Variants in MAP2K6 observed in about 807,000 individuals in gnomAD.
MAP2K6 encodes the protein mitogen-activated protein kinase kinase 6, also known as dual specificity mitogen-activated protein kinase kinase 6.
A neutral mutation model predicts 53.7 loss-of-function variants in MAP2K6; 16 were observed. The ratio of observed to expected loss-of-function variants is 0.30; its 90% confidence interval spans 0.20 to 0.45. The LOEUF (loss-of-function observed/expected upper bound fraction) is 0.45. Among genes scored for constraint, MAP2K6 ranks in the 20% least tolerant of loss-of-function variants. The probability of loss-of-function intolerance (pLI) is 1.00; values close to 1 mark genes in which losing one functional copy is unlikely to be tolerated. For synonymous variants in MAP2K6, 132 were observed against 143.1 expected (o/e 0.92, Z 0.55); for missense variants, 204 against 411.9 (o/e 0.50, Z 4.37).
chr17:69,449,539 T>TTCTTTGTCTGTCTG (rs1487904811), intron 1 of MAP2K6, among the ~76,000 whole-genome samples: 7 of 105,346 alleles, frequency 6.6e-5, no homozygotes, highest in African/African-American at 2.9e-4. Context: ...TTGTCTTTCT[T>TTCTTTGTCTGTCTG]TCTTTCTTTC....
chr17:69,438,213 G>C (rs996644021), intron 1 of MAP2K6, among the ~76,000 whole-genome samples: 12 of 152,216 alleles, frequency 7.9e-5, no homozygotes, highest in African/African-American at 2.9e-4. Flanking sequence ...ACTGGAAAAA[G>C]CATTGCATTG....
intron 10 of MAP2K6, among the ~76,000 whole-genome samples, chr17:69,535,552 C>T (rs980789223): frequency 1.3e-5 from 2 of 152,022 alleles, no homozygotes; most frequent in African/African-American, 4.8e-5. Context: ...AGATTGTATG[C>T]CCCTGCACTC....
intron 1 of MAP2K6, among the ~76,000 whole-genome samples, chr17:69,453,869 G>T (rs1598269617): frequency 6.6e-6 from 1 of 152,156 alleles, no homozygotes; most frequent in South Asian, 2.1e-4. Flanking sequence ...GATAGCCCAG[G>T]CATCATTATA....
At chr17:69,503,922 G>T (rs529835585) in intron 1 of MAP2K6, among the ~76,000 whole-genome samples, 93 of 152,290 alleles carry the variant, frequency 6.1e-4, no homozygotes, top group African/African-American at 2.2e-3. Flanking sequence ...TGCGTGATGC[G>T]TGGAAGAACC....
chr17:69,498,776 G>A (rs1320652794), intron 1 of MAP2K6, among the ~76,000 whole-genome samples: 2 of 152,086 alleles, frequency 1.3e-5, no homozygotes, highest in South Asian at 4.2e-4. Context: ...AGCTTTAATT[G>A]CTGGGTTTAA....
chr17:69,470,577 A>G (rs1170279006), intron 1 of MAP2K6, among the ~76,000 whole-genome samples: 2 of 152,154 alleles, frequency 1.3e-5, no homozygotes, highest in African/African-American at 4.8e-5. Flanking sequence ...GAGGATTTGG[A>G]TGCTTTGTGA....
chr17:69,417,747 G>C (rs1467756134), intron 1 of MAP2K6, among the ~76,000 whole-genome samples: 3 of 152,178 alleles, frequency 2.0e-5, no homozygotes, highest in Non-Finnish European at 2.9e-5. Flanking sequence ...CACTACCCGG[G>C]AGAGAAAAAC....
In MAP2K6 at chr17:69,548,327, C is replaced by A. The variant is rs370364539; in HGVS notation, c.*6574C>A. 1 of 152,142 alleles carries A rather than the reference C, an allele frequency of 6.6e-6. No individual in the cohort carries two copies. The highest frequency in any genetic ancestry group is 1.9e-4 in the East Asian group (1 of 5,172). 9.4% of individuals were successfully genotyped at this position (152,142 alleles called of 1,614,324 possible). ...TGGAAATCTTGTCTTCCCTATAGAA[C>A]GAGAACAGCTATGTAATTTGCTTCA... is the stretch of plus-strand genomic sequence containing the variant. On this transcript the variant is annotated 3_prime_UTR_variant, in exon 12 of 12. Coordinates refer to ENST00000590474, the MANE Select transcript of MAP2K6 (RefSeq NM_002758.4).
intron 10 of MAP2K6, among the ~76,000 whole-genome samples, chr17:69,528,859 CAAAAAAAAAAA>C (rs58897757): frequency 1.7e-5 from 1 of 59,090 alleles, no homozygotes; most frequent in Admixed American, 2.9e-4. Context: ...GACGCCATCT[CAAAAAAAAAAA>C]AAAAAAAAAA....
rs184771676 is a variant in MAP2K6, at chr17:69,484,482, G to A, written c.17-21298G>A. ...AACCCTTTACATTGCTGATGGGAAC[G>A]TAACATGGTGTAGCTGCTTTGAGAA... On this transcript the variant is annotated intron_variant, in intron 1 of 11. Coordinates refer to ENST00000590474, the MANE Select transcript of MAP2K6 (RefSeq NM_002758.4). 5.3e-5 allele frequency among the ~76,000 whole-genome samples: 8 copies of A among 152,118 alleles called. 1 individual carries two copies. The highest frequency in any genetic ancestry group is 2.6e-4 in the Admixed American group (4 of 15,244).
At chr17:69,527,560 T>C (rs986367295) in intron 10 of MAP2K6, among the ~76,000 whole-genome samples, 1 of 152,210 alleles carries the variant, frequency 6.6e-6, no homozygotes, top group Non-Finnish European at 1.5e-5. Context: ...GTAATGATCA[T>C]GGCAAGTGAT....
At chr17:69,431,775 A>G (rs73363579) in intron 1 of MAP2K6, among the ~76,000 whole-genome samples, 8,914 of 152,168 alleles carry the variant, frequency 0.059, 877 homozygotes, top group African/African-American at 0.2. Flanking sequence ...TCACTCATCA[A>G]TCAACATGCA....
At chr17:69,415,398 G>A (rs912153289) in intron 1 of MAP2K6, among the ~76,000 whole-genome samples, 1 of 152,230 alleles carries the variant, frequency 6.6e-6, no homozygotes, top group Non-Finnish European at 1.5e-5. Context: ...TATAGGTGAA[G>A]ATGAAAGGTA....
At chr17:69,538,591 G>A (rs1327841666) in intron 11 of MAP2K6, among the ~76,000 whole-genome samples, 1 of 152,220 alleles carries the variant, frequency 6.6e-6, no homozygotes, top group Non-Finnish European at 1.5e-5. Flanking sequence ...TTAGGAGTTG[G>A]TGAGGAAGTA....
intron 1 of MAP2K6, among the ~76,000 whole-genome samples, chr17:69,484,174 A>C (rs1330483241): frequency 2.0e-5 from 3 of 152,154 alleles, no homozygotes; most frequent in Non-Finnish European, 4.4e-5. Flanking sequence ...GGGAGAAAAT[A>C]TTTATAAATT....
chr17:69,434,346 T>C (rs1213470726), intron 1 of MAP2K6: 1 of 152,248 alleles, frequency 6.6e-6, no homozygotes, highest in East Asian at 1.9e-4. Context: ...TCTCCCCCTC[T>C]GCTTTTTGTA....
intron 1 of MAP2K6, among the ~76,000 whole-genome samples, chr17:69,464,840 C>T (rs572841523): frequency 6.6e-5 from 10 of 151,196 alleles, no homozygotes; most frequent in South Asian, 6.3e-4. Flanking sequence ...TTCAGCCTCC[C>T]GAGTAGCTGG....
intron 2 of MAP2K6, among the ~76,000 whole-genome samples, chr17:69,510,733 T>C (rs1598299666): frequency 6.6e-6 from 1 of 152,240 alleles, no homozygotes; most frequent in East Asian, 1.9e-4. Context: ...GTCACATTTA[T>C]GAGAGTAAAA....
rs746758432 is a variant in MAP2K6 at position 69,549,516 on chromosome 17, G to A, written c.*7763G>A. 2.0e-5 allele frequency: 3 copies of A among 152,146 alleles called. No homozygotes were observed. Among genetic ancestry groups the A allele is most frequent in the Non-Finnish European group, 4.4e-5 (3 of 68,022 alleles). 9.4% of individuals were successfully genotyped at this position (152,146 alleles called of 1,614,324 possible). On this transcript the variant is annotated 3_prime_UTR_variant, in exon 12 of 12. Coordinates refer to ENST00000590474, the MANE Select transcript of MAP2K6 (RefSeq NM_002758.4). ...CCTGGACTGACTGAATGCTTTTGTGGTAAGGAACTGATCTGGCCATTTTCA... is the reference window on the plus strand; with the variant it reads ...CCTGGACTGACTGAATGCTTTTGTGATAAGGAACTGATCTGGCCATTTTCA...
Sources: gnomAD v4.1 joint callset for allele counts (sites outside exome capture counted in the v4.1 genomes callset) on GRCh38, gnomAD v4.1.1 for gene constraint, MANE v1.5 for transcripts, NCBI Gene and HGNC (gene_info 2026-07-23, HGNC 2026-07-21) for gene names.